Variants in DPH6 observed in about 807,000 individuals in gnomAD.
DPH6 encodes diphthamine biosynthesis 6, also known as diphthine--ammonia ligase.
DPH6 carries 33 observed loss-of-function variants against 38.2 expected under a neutral mutation model. The observed-to-expected ratio is 0.86, with a 90% confidence interval of 0.65 to 1.15. The LOEUF is 1.15. Ranked by LOEUF, DPH6 falls within the 50% of genes most tolerant of loss-of-function variation. The pLI is 0.00. For missense variants in DPH6, 325 were observed against 320.0 expected (o/e 1.02, Z -0.12); for synonymous variants, 108 against 103.0 (o/e 1.05, Z -0.30).
At chr15:35,308,784 CAAT>C in intron 3 of DPH6, among the ~76,000 whole-genome samples, 1 of 152,146 alleles carries the variant, frequency 6.6e-6, no homozygotes, top group Non-Finnish European at 1.5e-5. Flanking sequence ...TTGAATGTAA[CAAT>C]AAGAGGATCA....
chr15:35,184,029 T>A, the DPH6 span, among the ~76,000 whole-genome samples: 2 of 152,222 alleles, frequency 1.3e-5, no homozygotes, highest in African/African-American at 2.4e-5. Context: ...ACGACAGATT[T>A]CTAGGACATA....
chr15:35,499,706 C>T (rs910156592), intron 3 of DPH6, among the ~76,000 whole-genome samples: 1 of 152,202 alleles, frequency 6.6e-6, no homozygotes, highest in African/African-American at 2.4e-5. Context: ...AAGGGAAATA[C>T]TAGTTCCAGC....
At chr15:35,457,128 T>C (rs2054007194) in intron 3 of DPH6, among the ~76,000 whole-genome samples, 1 of 151,968 alleles carries the variant, frequency 6.6e-6, no homozygotes, top group East Asian at 1.9e-4. Flanking sequence ...TATTTTTTTC[T>C]ATTTTTAGTA....
At chr15:35,217,048 T>C (rs145456811), downstream of DPH6, among the ~76,000 whole-genome samples, 528 of 152,312 alleles carry the variant, frequency 3.5e-3, 2 homozygotes, top group African/African-American at 0.012. Context: ...ATCTAACTCA[T>C]GGAATCATCA....
chr15:35,311,435 G>A (rs975617294), intron 3 of DPH6, among the ~76,000 whole-genome samples: 9 of 151,982 alleles, frequency 5.9e-5, no homozygotes, highest in Non-Finnish European at 8.8e-5. Context: ...TATAATTCAA[G>A]ATAATTACAA....
intron 3 of DPH6, among the ~76,000 whole-genome samples, chr15:35,314,314 C>A (rs760856888): frequency 1.3e-5 from 2 of 152,106 alleles, no homozygotes; most frequent in Admixed American, 1.3e-4. Flanking sequence ...TTATGTCATA[C>A]ATCATTTTAA....
intron 3 of DPH6, among the ~76,000 whole-genome samples, chr15:35,536,090 C>T (rs1349662278): frequency 6.6e-6 from 1 of 151,874 alleles, no homozygotes; most frequent in East Asian, 1.9e-4. Context: ...TTAAAAAATG[C>T]AGTTCTTTCT....
At chr15:35,414,612 C>A (rs1355516244) in intron 5 of DPH6, among the ~76,000 whole-genome samples, 1 of 151,536 alleles carries the variant, frequency 6.6e-6, no homozygotes, top group Admixed American at 6.6e-5. Flanking sequence ...ACCTATTACA[C>A]AAATATTTCA....
In DPH6 at chr15:35,242,692, C is replaced by CT. The variant is rs201635030; in HGVS notation, n.201-22111dup. Among the ~76,000 whole-genome samples the CT allele has an allele frequency of 4.7e-3, 673 of 143,310 alleles. 79 individuals carry two copies. The highest frequency in any genetic ancestry group is 9.2e-3 in the African/African-American group (363 of 39,624). The allele number at this position is 143,310 out of a possible 152,430, so 94.0% of individuals were successfully genotyped here. On this transcript the variant is annotated intron_variant and non_coding_transcript_variant, in intron 3 of 3. Transcript: ENST00000560386. ...AAAGGACTGGACAATACTTTTACCA[C>CT]TTTCCCTTCTCAGTAGTCAGACCTG...
rs59750212 is a variant in DPH6 at position 35,520,236 on chromosome 15, A to AC, written c.312+18037_312+18038insG. 4,221 of 814,082 alleles carry AC rather than the reference A, an allele frequency of 5.2e-3. 108 individuals carry two copies. The African/African-American group carries it at 0.056, about 11-fold the overall frequency. 50.4% of individuals were successfully genotyped at this position (814,082 alleles called of 1,614,324 possible). On this transcript the variant is annotated intron_variant, in intron 3 of 8. Coordinates refer to ENST00000256538, the MANE Select transcript of DPH6 (RefSeq NM_080650.4). ...AACATGCTACAAAAAAAAACAAAAA[A>AC]AAAACAAAAGAAGAAGAATCAAAAC...
chr15:35,495,942 T>C (rs963523903), intron 3 of DPH6, among the ~76,000 whole-genome samples: 2 of 152,146 alleles, frequency 1.3e-5, no homozygotes, highest in African/African-American at 4.8e-5. Flanking sequence ...GATGAGAACA[T>C]GGTATAGTGG....
At chr15:35,452,015 A>C (rs2053941597) in intron 4 of DPH6, among the ~76,000 whole-genome samples, 1 of 152,126 alleles carries the variant, frequency 6.6e-6, no homozygotes, top group South Asian at 2.1e-4. Context: ...GTCTCAAAAA[A>C]CAAACAAACA....
chr15:35,263,151 AGTTT>A (rs1390549277), intron 3 of DPH6, among the ~76,000 whole-genome samples: 1 of 152,180 alleles, frequency 6.6e-6, no homozygotes, highest in Non-Finnish European at 1.5e-5. Flanking sequence ...TTTAATCATT[AGTTT>A]ATCATAGAGC....
At chr15:35,469,616 T>C (rs1298057412) in intron 3 of DPH6, among the ~76,000 whole-genome samples, 1 of 152,198 alleles carries the variant, frequency 6.6e-6, no homozygotes, top group Non-Finnish European at 1.5e-5. Context: ...GCAATCACAC[T>C]GACTGATAGG....
intron 3 of DPH6, among the ~76,000 whole-genome samples, chr15:35,276,712 T>C (rs975004822): frequency 6.6e-6 from 1 of 151,560 alleles, no homozygotes; most frequent in African/African-American, 2.4e-5. Flanking sequence ...ACTTTATGTT[T>C]CTGTTTGCTT....
In DPH6 at chr15:35,373,664, A is replaced by T. The variant is rs555967586; in HGVS notation, c.663-56T>A. 1.9e-5 allele frequency: 28 copies of T among 1,437,034 alleles called. No individual in the cohort carries two copies. In the African/African-American group the frequency reaches 3.3e-4, roughly 17 times the overall value. The allele number at this position is 1,437,034 out of a possible 1,614,324, so 89.0% of individuals were successfully genotyped here. ...TATGCTACAAAAATTGTGACAAATC[A>T]TTCCTCCTACTGACTAGAAGAGACT... is the stretch of plus-strand genomic sequence containing the variant. On this transcript the variant is annotated intron_variant, in intron 7 of 8. Transcript: ENST00000256538.
intron 7 of DPH6, among the ~76,000 whole-genome samples, chr15:35,381,063 C>T (rs998955921): frequency 1.3e-5 from 2 of 152,046 alleles, no homozygotes; most frequent in Non-Finnish European, 2.9e-5. Flanking sequence ...TAGATCACTC[C>T]TTCCCTCATT....
At chr15:35,186,097 C>G in the DPH6 span, among the ~76,000 whole-genome samples, 1 of 152,088 alleles carries the variant, frequency 6.6e-6, no homozygotes, top group African/African-American at 2.4e-5. Flanking sequence ...GCTCACCAGT[C>G]GGAAGCAGAG....
chr15:35,316,927 A>C (rs1456687314), intron 3 of DPH6, among the ~76,000 whole-genome samples: 1 of 152,202 alleles, frequency 6.6e-6, no homozygotes, highest in African/African-American at 2.4e-5. Flanking sequence ...CAAGATGCCA[A>C]AAGAGAACTG....
Sources: allele counts gnomAD v4.1 joint callset (sites outside exome capture counted in the v4.1 genomes callset), GRCh38; gene constraint gnomAD v4.1.1; transcripts MANE v1.5; gene names NCBI Gene and HGNC (gene_info 2026-07-23, HGNC 2026-07-21).